SLC28A1: variants seen among roughly 807,000 people sequenced by gnomAD.
SLC28A1 encodes solute carrier family 28 member 1, also known as sodium/nucleoside cotransporter 1.
A neutral mutation model predicts 74.8 loss-of-function variants in SLC28A1; 64 were observed. The ratio of observed to expected loss-of-function variants is 0.86; its 90% CI spans 0.70 to 1.05. SLC28A1 has a LOEUF of 1.05. Among genes scored for constraint, SLC28A1 ranks in the 50% least tolerant of loss-of-function variants. The pLI, the probability that SLC28A1 is intolerant of heterozygous loss-of-function variation, is 0.00. For synonymous variants in SLC28A1, 359 were observed against 335.0 expected, an observed-to-expected ratio of 1.07 and a Z score of -0.78; for missense variants, 828 against 822.8, an observed-to-expected ratio of 1.01 and a Z score of -0.08.
chr15:84,922,797 G>C (rs551790171), intron 11 of SLC28A1, among the ~76,000 whole-genome samples: 13 of 152,362 alleles, frequency 8.5e-5, no homozygotes, highest in African/African-American at 2.6e-4. Flanking sequence ...ACCTTGCAGA[G>C]CTTCTTGCTG....
intron 12 of SLC28A1, among the ~76,000 whole-genome samples, chr15:84,932,034 C>G (rs1439985532): frequency 6.6e-6 from 1 of 152,148 alleles, no homozygotes; most frequent in East Asian, 1.9e-4. Context: ...AGAAAATCAC[C>G]CCTGGCCCCA....
chr15:84,947,480 A>G (rs979618276), downstream of SLC28A1, among the ~76,000 whole-genome samples: 2 of 152,216 alleles, frequency 1.3e-5, no homozygotes, highest in African/African-American at 4.8e-5. Context: ...AGGCCACTTG[A>G]ATATAGGGCT....
Position 84,894,938 on chromosome 15 carries a change from A to C in SLC28A1, c.278-2A>C. The stretch of plus-strand genomic sequence containing the variant: ...TGACCCCTCCTCTGTCTCATCCCCC[A>C]GGGCTCTCTGCCTTCCTGCTGGTGG... On this transcript the variant is annotated splice_acceptor_variant, in intron 5 of 18. Coordinates refer to ENST00000394573, the MANE Select transcript of SLC28A1 (RefSeq NM_004213.5). LOFTEE classifies it high-confidence loss of function. 6.2e-7 allele frequency: 1 copy of C among 1,614,028 alleles called. No individual in the cohort carries two copies. Among genetic ancestry groups the C allele is most frequent in the Non-Finnish European group, 8.5e-7 (1 of 1,179,996 alleles).
At chr15:84,920,716 G>A (rs1301352403) in intron 10 of SLC28A1, among the ~76,000 whole-genome samples, 2 of 152,066 alleles carry the variant, frequency 1.3e-5, no homozygotes, top group Non-Finnish European at 1.5e-5. Context: ...GTGTGTGTGT[G>A]TGTGTGTGCA....
At chr15:84,936,824 G>A (rs1209664634) in intron 15 of SLC28A1, among the ~76,000 whole-genome samples, 1 of 152,112 alleles carries the variant, frequency 6.6e-6, no homozygotes, top group African/African-American at 2.4e-5. Flanking sequence ...AGGTCAAGGT[G>A]GGAGGATCAC....
intron 9 of SLC28A1, among the ~76,000 whole-genome samples, chr15:84,917,709 C>T (rs1178045350): frequency 2.0e-5 from 3 of 152,164 alleles, no homozygotes; most frequent in Admixed American, 6.5e-5. Flanking sequence ...ATTCTTGTTT[C>T]CTGACCTTTA....
downstream of SLC28A1, among the ~76,000 whole-genome samples, chr15:84,946,057 T>TACAC (rs1421751923): frequency 8.8e-6 from 1 of 113,192 alleles, no homozygotes; most frequent in Non-Finnish European, 1.8e-5. Context: ...TATATATACA[T>TACAC]ACATATATAT....
chr15:84,966,570 A>T, the SLC28A1 span, among the ~76,000 whole-genome samples: 1 of 152,080 alleles, frequency 6.6e-6, no homozygotes, highest in Non-Finnish European at 1.5e-5. Context: ...GCTGCTAAAG[A>T]CTTACCTGAG....
intron 7 of SLC28A1, 124 bp downstream of exon 7, chr15:84,904,362 C>T: frequency 7.4e-7 from 1 of 1,358,692 alleles, no homozygotes; most frequent in Non-Finnish European, 1.0e-6. Context: ...GGCTCAGGGC[C>T]TGGAGAAGGC....
intron 9 of SLC28A1, 123 bp downstream of exon 9, chr15:84,908,918 C>T (rs564183985): frequency 8.4e-5 from 67 of 799,638 alleles, no homozygotes; most frequent in South Asian, 2.3e-4. Context: ...CAGAGGTCGC[C>T]GTACTGGGAA....
intron 11 of SLC28A1, 57 bp from the exon 12 acceptor site, chr15:84,923,928 G>A: frequency 6.2e-7 from 1 of 1,612,860 alleles, no homozygotes; most frequent in Non-Finnish European, 8.5e-7. Context: ...CCTGTGAAGG[G>A]AGAGGATGTG....
intron 6 of SLC28A1, chr15:84,896,063 G>C: frequency 3.3e-6 from 2 of 604,138 alleles, no homozygotes; most frequent in Non-Finnish European, 4.1e-6. Flanking sequence ...TCTGTGACAA[G>C]TCATTGATAA....
intron 15 of SLC28A1, among the ~76,000 whole-genome samples, chr15:84,943,079 G>C (rs968232547): frequency 1.3e-5 from 2 of 152,104 alleles, no homozygotes; most frequent in Non-Finnish European, 2.9e-5. Flanking sequence ...CCAGCTACTC[G>C]GGAGGCTGAG....
downstream of SLC28A1, among the ~76,000 whole-genome samples, chr15:84,947,389 G>C (rs923312270): frequency 6.6e-6 from 1 of 152,196 alleles, no homozygotes; most frequent in African/African-American, 2.4e-5. Context: ...TCATGGAACA[G>C]CCCAAGGACT....
intron 12 of SLC28A1, among the ~76,000 whole-genome samples, chr15:84,931,723 G>A (rs1005936892): frequency 1.3e-5 from 2 of 148,614 alleles, no homozygotes; most frequent in South Asian, 4.3e-4. Context: ...AAGAAAATCG[G>A]CCGGGGATGG....
intron 15 of SLC28A1, among the ~76,000 whole-genome samples, chr15:84,936,157 G>A (rs922415001): frequency 5.3e-5 from 8 of 150,378 alleles, no homozygotes; most frequent in African/African-American, 9.8e-5. Context: ...GGGTTTCATC[G>A]TGGTCTTGAT....
In SLC28A1 at chr15:84,943,508, ATCAT is replaced by A. The variant is rs1972953872; in HGVS notation, c.1646_1649del (p.Ile549SerfsTer5). 6.2e-7 allele frequency: 1 copy of A among 1,613,842 alleles called. No homozygotes were observed. The highest frequency in any genetic ancestry group is 1.1e-5 in the South Asian group (1 of 91,086). On this transcript the variant is annotated frameshift_variant, in exon 16 of 19. Coordinates refer to ENST00000394573, the MANE Select transcript of SLC28A1 (RefSeq NM_004213.5). LOFTEE classifies it high-confidence loss of function. ...ATTTGCCAATTTCAGCTCCATTGGG[ATCAT>A]GCTGGGAGGCTTGAGTGAGTCTAAT...
At chr15:84,893,829 T>G (rs1965637056) in intron 5 of SLC28A1, among the ~76,000 whole-genome samples, 1 of 152,206 alleles carries the variant, frequency 6.6e-6, no homozygotes, top group Admixed American at 6.5e-5. Flanking sequence ...TCTGCAGTCC[T>G]GGGACCTCCC....
At chr15:84,894,900 GT>G (rs1965785941) in intron 5 of SLC28A1, 39 bp from the exon 6 acceptor site, 1 of 1,600,268 alleles carries the variant, frequency 6.2e-7, no homozygotes, top group Admixed American at 1.7e-5. Context: ...TGAAGAGGTG[GT>G]GTCCTGGCTG....
Sources: allele counts gnomAD v4.1 joint callset (sites outside exome capture counted in the v4.1 genomes callset), GRCh38; gene constraint gnomAD v4.1.1; transcripts MANE v1.5; gene names NCBI Gene and HGNC (gene_info 2026-07-23, HGNC 2026-07-21).